The following CRYL1 variants were observed in gnomAD, a reference collection of about 807,000 sequenced individuals.
The protein encoded by CRYL1 is lambda-crystallin homolog.
Under a neutral mutation model 36.6 loss-of-function variants are expected in CRYL1, and 29 were observed. That is an observed-to-expected ratio of 0.79 (90% CI 0.59 to 1.08). The LOEUF (loss-of-function observed/expected upper bound fraction) is 1.08, where lower values mean the gene tolerates loss of function less well. Among genes scored for constraint, CRYL1 ranks in the 50% least tolerant of loss-of-function variants. CRYL1 has a pLI of 0.00. For synonymous variants in CRYL1, 152 were observed against 151.5 expected (o/e 1.00, Z -0.02); for missense variants, 411 against 407.9 (o/e 1.01, Z -0.06).
At chr13:20,428,674 C>T (rs1344351242) in intron 5 of CRYL1, among the ~76,000 whole-genome samples, 2 of 152,172 alleles carry the variant, frequency 1.3e-5, no homozygotes, top group African/African-American at 4.8e-5. Context: ...AGCCGTCCTT[C>T]CATCCTGCTC....
intron 3 of CRYL1, among the ~76,000 whole-genome samples, chr13:20,461,847 C>A (rs1174041233): frequency 6.6e-6 from 1 of 151,102 alleles, no homozygotes; most frequent in East Asian, 1.9e-4. Context: ...TGCAGAGGTG[C>A]CAAGCCATCT....
chr13:20,414,340 C>A (rs1190480929), intron 5 of CRYL1, among the ~76,000 whole-genome samples: 2 of 151,926 alleles, frequency 1.3e-5, no homozygotes, highest in Non-Finnish European at 2.9e-5. Flanking sequence ...GAAATCAATT[C>A]CTCTTGACCT....
chr13:20,500,139 G>A (rs550163954), intron 2 of CRYL1, among the ~76,000 whole-genome samples: 5 of 152,340 alleles, frequency 3.3e-5, no homozygotes, highest in South Asian at 2.1e-4. Flanking sequence ...CTGCATGGAC[G>A]GAACTAATGG....
At chr13:20,448,111 A>G (rs1249591503) in intron 3 of CRYL1, among the ~76,000 whole-genome samples, 3 of 152,224 alleles carry the variant, frequency 2.0e-5, no homozygotes, top group Non-Finnish European at 2.9e-5. Flanking sequence ...TTCAGCAGAG[A>G]ATCAAAGAGA....
chr13:20,419,593 A>G (rs1565957749), intron 5 of CRYL1, among the ~76,000 whole-genome samples: 1 of 152,036 alleles, frequency 6.6e-6, no homozygotes, highest in Non-Finnish European at 1.5e-5. Context: ...CATCTGGATA[A>G]TTTTGTATTT....
At chr13:20,450,145 CA>C (rs1565968014) in intron 3 of CRYL1, among the ~76,000 whole-genome samples, 1 of 152,018 alleles carries the variant, frequency 6.6e-6, no homozygotes, top group Admixed American at 6.5e-5. Flanking sequence ...CCAGCCTAAG[CA>C]AAAAGAACAA....
rs747297642 is a variant in CRYL1, at chr13:20,432,273, C to T, written c.462G>A (p.Pro154=). The part of the protein sequence containing the change: ...AHPVNPPYYI[P]LVELVPHPET... The stretch of plus-strand genomic sequence containing the variant: ...CCGGGTGGGGGACCAGCTCAACCAG[C>T]GGGATGTAGTATGGCGGATTCACCT... Residue 154 remains proline, a synonymous_variant, in exon 5 of 8, where the codon CCG becomes CCA. Coordinates refer to ENST00000298248, the MANE Select transcript of CRYL1 (RefSeq NM_015974.3). 25 of 1,612,272 alleles carry T rather than the reference C, an allele frequency of 1.6e-5. No individual in the cohort carries two copies. In the Admixed American group the frequency reaches 1.7e-4, roughly 11 times the overall value.
intron 3 of CRYL1, among the ~76,000 whole-genome samples, chr13:20,447,127 T>G (rs1041070211): frequency 6.6e-6 from 1 of 152,210 alleles, no homozygotes; most frequent in African/African-American, 2.4e-5. Flanking sequence ...TGAGGCTCAC[T>G]GATTTCCCAA....
intron 2 of CRYL1, among the ~76,000 whole-genome samples, chr13:20,503,330 G>A (rs1565986133): frequency 6.6e-6 from 1 of 151,796 alleles, no homozygotes; most frequent in Non-Finnish European, 1.5e-5. Flanking sequence ...TAATAATTTT[G>A]GCTGGCTCAG....
chr13:20,434,187 C>T (rs952750777), intron 4 of CRYL1, among the ~76,000 whole-genome samples: 2 of 152,218 alleles, frequency 1.3e-5, no homozygotes, highest in African/African-American at 4.8e-5. Flanking sequence ...CTCTCCCTAG[C>T]CCCTCTCACT....
intron 3 of CRYL1, among the ~76,000 whole-genome samples, chr13:20,478,319 ATTAAT>A (rs2137456897): frequency 6.6e-6 from 1 of 152,302 alleles, no homozygotes; most frequent in Non-Finnish European, 1.5e-5. Context: ...GACTTTGGGC[ATTAAT>A]TTAACAACCT....
intron 3 of CRYL1, among the ~76,000 whole-genome samples, chr13:20,456,470 G>A (rs368974026): frequency 4.5e-5 from 6 of 131,910 alleles, no homozygotes; most frequent in Admixed American, 1.6e-4. Flanking sequence ...GTGAGACTCC[G>A]TCTCAAAACA....
At chr13:20,467,830 C>G (rs1181720279) in intron 3 of CRYL1, among the ~76,000 whole-genome samples, 1 of 152,178 alleles carries the variant, frequency 6.6e-6, no homozygotes, top group African/African-American at 2.4e-5. Context: ...ACGCCCGGTG[C>G]CTCAGACTGG....
At chr13:20,506,853 G>A (rs138521559) in intron 2 of CRYL1, among the ~76,000 whole-genome samples, 7 of 152,342 alleles carry the variant, frequency 4.6e-5, no homozygotes, top group Admixed American at 3.3e-4. Flanking sequence ...AGATAAGGAT[G>A]TGATATGGTT....
At chr13:20,494,464 G>A (rs987435529) in intron 2 of CRYL1, among the ~76,000 whole-genome samples, 5 of 152,108 alleles carry the variant, frequency 3.3e-5, no homozygotes, top group African/African-American at 1.2e-4. Context: ...CATCATCCCA[G>A]CCTCACCCAA....
chr13:20,458,637 A>C (rs2032737320), intron 3 of CRYL1, among the ~76,000 whole-genome samples: 1 of 152,242 alleles, frequency 6.6e-6, no homozygotes. Context: ...CTTTTTAAAA[A>C]TAGTAAGTCT....
chr13:20,420,701 T>TTTTTTTTTTTTTGTG lies in CRYL1; in HGVS notation c.634-7315_634-7314insCACAAAAAAAAAAAA. On this transcript the variant is annotated intron_variant, in intron 5 of 7. Transcript: ENST00000298248. ...CTTTGACTTTTCTTTAAAATAGAGG[T>TTTTTTTTTTTTTGTG]TGTGTGTGTGTGTGTGTGTGTGTGT... Among the ~76,000 whole-genome samples, 27 of 21,872 alleles carry TTTTTTTTTTTTTGTG rather than the reference T, an allele frequency of 1.2e-3. 3 individuals carry two copies. Among genetic ancestry groups the TTTTTTTTTTTTTGTG allele is most frequent in the South Asian group, 6.5e-3 (2 of 306 alleles). The allele number at this position is 21,872 out of a possible 152,430, so 14.3% of individuals were successfully genotyped here. A position where few individuals can be genotyped will look rare whatever the true frequency, so the allele number is the denominator to read the frequency against.
At chr13:20,431,437 T>C in intron 5 of CRYL1, 1 of 985,388 alleles carries the variant, frequency 1.0e-6, no homozygotes, top group Non-Finnish European at 1.2e-6. Flanking sequence ...GGCCGGACAG[T>C]TCCACTCCCA....
intron 4 of CRYL1, among the ~76,000 whole-genome samples, chr13:20,436,161 C>A (rs1023218727): frequency 6.6e-6 from 1 of 152,090 alleles, no homozygotes; most frequent in Non-Finnish European, 1.5e-5. Context: ...GGTGGCCTCT[C>A]CCCCAACGCC....
Sources: gnomAD v4.1 joint callset for allele counts (sites outside exome capture counted in the v4.1 genomes callset) on GRCh38, gnomAD v4.1.1 for gene constraint, MANE v1.5 for transcripts, NCBI Gene and HGNC (gene_info 2026-07-23, HGNC 2026-07-21) for gene names.